Variants in FAM219A observed in about 807,000 individuals in gnomAD.
The protein encoded by FAM219A is family with sequence similarity 219 member A.
Under a neutral mutation model 23.4 loss-of-function variants are expected in FAM219A, and 7 were observed. The observed-to-expected ratio is 0.30, with a 90% CI of 0.17 to 0.56. The LOEUF (loss-of-function observed/expected upper bound fraction) is 0.56, where lower values mean the gene tolerates loss of function less well. FAM219A is among the 20% of genes least tolerant of loss of function. The pLI, the probability that FAM219A is intolerant of heterozygous loss-of-function variation, is 0.92. For missense variants in FAM219A, 166 were observed against 246.9 expected (o/e 0.67, Z 2.20); for synonymous variants, 93 against 99.0 (o/e 0.94, Z 0.36).
rs1822089421 is a variant in FAM219A, at chr9:34,417,753, T to C, written c.61-11789A>G. ...TTCCATGAGAGCTCTGTTCCAGTCC[T>C]CATTTACCTGGTTCCCTCTGGGAAA... On this transcript the variant is annotated intron_variant, in intron 1 of 5. Coordinates refer to ENST00000651358, the MANE Select transcript of FAM219A (RefSeq NM_001184940.2). This position sits in a 1 kb window ranked among gnomAD's most constrained non-coding sequence, Gnocchi z 4.1. Among the ~76,000 whole-genome samples, 1 of 152,244 alleles carries C rather than the reference T, an allele frequency of 6.6e-6. No individual in the cohort carries two copies. Among genetic ancestry groups the C allele is most frequent in the Non-Finnish European group, 1.5e-5 (1 of 68,046 alleles).
intron 2 of FAM219A, among the ~76,000 whole-genome samples, chr9:34,405,198 G>C (rs140344565): frequency 6.6e-6 from 1 of 152,334 alleles, no homozygotes; most frequent in African/African-American, 2.4e-5. Context: ...GTCCCTGAAG[G>C]GAGAGGGACA....
At chr9:34,404,744 A>T (rs1213282110) in intron 2 of FAM219A, among the ~76,000 whole-genome samples, 2 of 151,610 alleles carry the variant, frequency 1.3e-5, no homozygotes, top group Admixed American at 6.6e-5. Context: ...AACAACCAAC[A>T]CCCCTGATAA....
intron 1 of FAM219A, among the ~76,000 whole-genome samples, chr9:34,424,088 A>G (rs779297533): frequency 6.6e-6 from 1 of 152,188 alleles, no homozygotes; most frequent in African/African-American, 2.4e-5. Flanking sequence ...GGGAACCAAG[A>G]AGAGATCAGA....
At chr9:34,450,009 G>A (rs1461660800) in intron 1 of FAM219A, among the ~76,000 whole-genome samples, 1 of 152,126 alleles carries the variant, frequency 6.6e-6, no homozygotes. Context: ...AGGATAAAAT[G>A]GGAAATTAAT....
At chr9:34,454,902 G>A (rs1164776249) in intron 1 of FAM219A, among the ~76,000 whole-genome samples, 3 of 152,096 alleles carry the variant, frequency 2.0e-5, no homozygotes, top group Non-Finnish European at 4.4e-5. Flanking sequence ...TTTGATGATG[G>A]CGCCCATGTG....
At chr9:34,429,354 G>T (rs1822605599) in intron 1 of FAM219A, among the ~76,000 whole-genome samples, 1 of 152,198 alleles carries the variant, frequency 6.6e-6, no homozygotes, top group South Asian at 2.1e-4. Context: ...AGGGCTGGTT[G>T]AGAGGAACAG....
intron 1 of FAM219A, among the ~76,000 whole-genome samples, chr9:34,421,400 A>G (rs1822278649): frequency 6.6e-6 from 1 of 152,088 alleles, no homozygotes; most frequent in Non-Finnish European, 1.5e-5. Flanking sequence ...ATGGAAAACA[A>G]TACTCAACTG....
At chr9:34,412,619 A>C (rs978549763) in intron 1 of FAM219A, among the ~76,000 whole-genome samples, 6 of 146,300 alleles carry the variant, frequency 4.1e-5, no homozygotes, top group African/African-American at 1.5e-4. Flanking sequence ...AAAAAAACCA[A>C]GGGTGAAGTT....
chr9:34,430,637 A>AG (rs1822658972), intron 1 of FAM219A, among the ~76,000 whole-genome samples: 1 of 47,532 alleles, frequency 2.1e-5, no homozygotes, highest in Admixed American at 2.3e-4. Context: ...ACTCCGTCTC[A>AG]AAAAAAAAAA....
At chr9:34,418,199 G>GT (rs887217275) in intron 1 of FAM219A, among the ~76,000 whole-genome samples, 5 of 148,494 alleles carry the variant, frequency 3.4e-5, no homozygotes, top group African/African-American at 1.2e-4. Context: ...TAGTGAGATG[G>GT]TAAAAAAAAA....
chr9:34,426,373 T>C (rs569263779), intron 1 of FAM219A, among the ~76,000 whole-genome samples: 3 of 152,218 alleles, frequency 2.0e-5, no homozygotes, highest in East Asian at 1.9e-4. Context: ...TGATGGTATA[T>C]AGAAAGAACC....
chr9:34,418,770 T>A (rs1822133155), intron 1 of FAM219A, among the ~76,000 whole-genome samples: 1 of 152,140 alleles, frequency 6.6e-6, no homozygotes, highest in Admixed American at 6.5e-5. Context: ...TAAAAATAGA[T>A]CTACAATGGT....
At chr9:34,411,132 G>T (rs1821804788) in intron 1 of FAM219A, among the ~76,000 whole-genome samples, 1 of 152,130 alleles carries the variant, frequency 6.6e-6, no homozygotes, top group Non-Finnish European at 1.5e-5. Flanking sequence ...TGTAGAAAAG[G>T]TGTGCCCTCC....
chr9:34,430,326 C>A (rs946069141), intron 1 of FAM219A, among the ~76,000 whole-genome samples: 1 of 151,728 alleles, frequency 6.6e-6, no homozygotes, highest in Non-Finnish European at 1.5e-5. Flanking sequence ...CCCAGGAGTT[C>A]GAGACCAGCC....
chr9:34,436,186 TATA>T lies in FAM219A; in HGVS notation c.60+22015_60+22017del, dbSNP rs1438770430. The stretch of plus-strand genomic sequence containing the variant: ...CTATTATAATATCTATTATAACTAT[TATA>T]ATGTTATTATAAAATTATGTATGTG... On this transcript the variant is annotated intron_variant, in intron 1 of 5. Coordinates refer to ENST00000651358, the MANE Select transcript of FAM219A (RefSeq NM_001184940.2). Among the ~76,000 whole-genome samples the T allele has an allele frequency of 3.3e-5, 5 of 151,882 alleles. No homozygotes were observed. In the East Asian group the frequency reaches 9.7e-4, roughly 29 times the overall value.
chr9:34,446,940 A>G (rs1823398057), intron 1 of FAM219A, among the ~76,000 whole-genome samples: 1 of 152,196 alleles, frequency 6.6e-6, no homozygotes, highest in South Asian at 2.1e-4. Flanking sequence ...CTATTAATGT[A>G]GTCCAACAGC....
chr9:34,418,730 T>C (rs1360832067), intron 1 of FAM219A, among the ~76,000 whole-genome samples: 1 of 152,174 alleles, frequency 6.6e-6, no homozygotes, highest in African/African-American at 2.4e-5. Flanking sequence ...TCTAATTTAA[T>C]GGAGAAAGGA....
At chr9:34,452,992 G>T (rs1027603874) in intron 1 of FAM219A, among the ~76,000 whole-genome samples, 4 of 152,150 alleles carry the variant, frequency 2.6e-5, no homozygotes, top group African/African-American at 7.2e-5. Flanking sequence ...GCAGAGAATA[G>T]GTTCTTACTT....
chr9:34,445,787 T>C (rs927674560), intron 1 of FAM219A, among the ~76,000 whole-genome samples: 1 of 152,234 alleles, frequency 6.6e-6, no homozygotes, highest in Non-Finnish European at 1.5e-5. Flanking sequence ...GGAGTCTGCT[T>C]GCAGATCTAT....
Sources: allele counts gnomAD v4.1 joint callset (sites outside exome capture counted in the v4.1 genomes callset), GRCh38; gene constraint gnomAD v4.1.1; non-coding constraint Gnocchi (gnomAD v3.1); transcripts MANE v1.5; gene names NCBI Gene and HGNC (gene_info 2026-07-23, HGNC 2026-07-21).